Variants in SCG5 observed in about 807,000 individuals in gnomAD.
The protein encoded by SCG5 is secretogranin V.
In SCG5, 18 loss-of-function variants were observed where a neutral mutation model predicts 25.7. The ratio of observed to expected loss-of-function variants is 0.70; its 90% CI spans 0.48 to 1.04. The LOEUF is 1.04. Ranked by LOEUF, SCG5 falls within the 50% of genes least tolerant of loss-of-function variation. The pLI, the probability that SCG5 is intolerant of heterozygous loss-of-function variation, is 0.00. For missense variants in SCG5, 206 were observed against 259.8 expected, an observed-to-expected ratio of 0.79 and a Z score of 1.42; for synonymous variants, 101 against 91.7, an observed-to-expected ratio of 1.10 and a Z score of -0.58.
chr15:32,653,046 ATG>A (rs1428434546), intron 2 of SCG5, among the ~76,000 whole-genome samples: 1 of 152,146 alleles, frequency 6.6e-6, no homozygotes, highest in East Asian at 1.9e-4. Flanking sequence ...TGAACACTTC[ATG>A]TGTCTTTGGA....
At chr15:32,683,537 G>A (rs748860176) in intron 3 of SCG5, among the ~76,000 whole-genome samples, 18 of 152,208 alleles carry the variant, frequency 1.2e-4, no homozygotes, top group Admixed American at 3.9e-4. Context: ...TAAACTGTCA[G>A]TCAAAGGGAG....
intron 2 of SCG5, among the ~76,000 whole-genome samples, chr15:32,667,887 C>G (rs573201670): frequency 4.3e-4 from 66 of 152,238 alleles, no homozygotes; most frequent in African/African-American, 1.6e-3. Context: ...GTTGGCCAGG[C>G]TGGTCTCAAA....
chr15:32,674,491 A>T (rs62001856), intron 2 of SCG5, among the ~76,000 whole-genome samples: 16,489 of 152,224 alleles, frequency 0.11, 1,028 homozygotes, highest in Middle Eastern at 0.17. Flanking sequence ...TTTAATTTTC[A>T]TATTTCTGTT....
At chr15:32,656,349 G>T (rs566088899) in intron 2 of SCG5, 1 of 152,292 alleles carries the variant, frequency 6.6e-6, no homozygotes, top group South Asian at 2.1e-4. Context: ...ATTTCCCACA[G>T]GTAATTGACA....
At chr15:32,643,909 C>G in intron 2 of SCG5, 91 bp downstream of exon 2, 1 of 1,048,724 alleles carries the variant, frequency 9.5e-7, no homozygotes, top group South Asian at 1.6e-5. Flanking sequence ...TAAGTAGATG[C>G]CTTTATTATC....
intron 2 of SCG5, among the ~76,000 whole-genome samples, chr15:32,671,962 C>T (rs1475776888): frequency 2.0e-5 from 3 of 152,328 alleles, no homozygotes; most frequent in East Asian, 3.9e-4. Context: ...CGCGCTGGCA[C>T]CTTCAGCTCT....
At chr15:32,644,186 C>T (rs2053909472) in intron 2 of SCG5, among the ~76,000 whole-genome samples, 1 of 152,048 alleles carries the variant, frequency 6.6e-6, no homozygotes, top group African/African-American at 2.4e-5. Flanking sequence ...AGATTAGAAC[C>T]CAGACATGAT....
At chr15:32,653,991 C>T (rs923698415) in intron 2 of SCG5, among the ~76,000 whole-genome samples, 2 of 152,188 alleles carry the variant, frequency 1.3e-5, no homozygotes. Flanking sequence ...TTGAATCTCT[C>T]TAACAGAGTC....
chr15:32,643,491 T>C, intron 1 of SCG5, 95 bp from the exon 2 acceptor site: 3 of 1,037,484 alleles, frequency 2.9e-6, no homozygotes, highest in Non-Finnish European at 3.0e-6. Context: ...TGGGTGGTCC[T>C]CGAACCACAA....
chr15:32,693,888 T>A (rs2054908905), intron 5 of SCG5, among the ~76,000 whole-genome samples: 1 of 152,156 alleles, frequency 6.6e-6, no homozygotes, highest in African/African-American at 2.4e-5. Context: ...GGAGGGTGGA[T>A]CACCTGAGGT....
chr15:32,655,561 C>T (rs1205145529), intron 2 of SCG5, among the ~76,000 whole-genome samples: 1 of 152,146 alleles, frequency 6.6e-6, no homozygotes, highest in Admixed American at 6.5e-5. Context: ...GGGAAATCCC[C>T]TCAGTGTATG....
At chr15:32,674,957 T>C (rs1481545508) in intron 2 of SCG5, among the ~76,000 whole-genome samples, 1 of 152,178 alleles carries the variant, frequency 6.6e-6, no homozygotes, top group East Asian at 1.9e-4. Flanking sequence ...CTCATTCCCT[T>C]GACAATTACA....
At chr15:32,658,098 G>T (rs183142735) in intron 2 of SCG5, among the ~76,000 whole-genome samples, 1 of 152,264 alleles carries the variant, frequency 6.6e-6, no homozygotes, top group Admixed American at 6.5e-5. Flanking sequence ...TTTTCATGCA[G>T]TGCCGCACCC....
chr15:32,658,501 G>A (rs1348349093), intron 2 of SCG5, among the ~76,000 whole-genome samples: 1 of 152,188 alleles, frequency 6.6e-6, no homozygotes, highest in Non-Finnish European at 1.5e-5. Context: ...GTGGAGGGTG[G>A]TTATGGGGAA....
chr15:32,690,076 C>G (rs1282018438), intron 4 of SCG5, among the ~76,000 whole-genome samples: 1 of 152,166 alleles, frequency 6.6e-6, no homozygotes, highest in African/African-American at 2.4e-5. Flanking sequence ...CTCCTGACCT[C>G]GTGATCCTCC....
intron 2 of SCG5, among the ~76,000 whole-genome samples, chr15:32,661,284 C>T (rs928879929): frequency 1.3e-5 from 2 of 152,186 alleles, no homozygotes; most frequent in Admixed American, 1.3e-4. Flanking sequence ...CTGGCCTCTA[C>T]CCACTAGATG....
In SCG5 at chr15:32,657,211, A is replaced by ATATATATATATG. The variant is rs1555433850; in HGVS notation, c.226+13394_226+13395insATATATATATGT. The stretch of plus-strand genomic sequence containing the variant: ...CTTTCATCCTCCTGTATATATATAT[A>ATATATATATATG]TGTATGTATTTCCAGGTGTAAGTGG... On this transcript the variant is annotated intron_variant, in intron 2 of 5. Coordinates refer to ENST00000300175, the MANE Select transcript of SCG5 (RefSeq NM_001144757.3). Among the ~76,000 whole-genome samples, 5 of 102,452 alleles carry ATATATATATATG rather than the reference A, an allele frequency of 4.9e-5. 2 individuals carry two copies. The highest frequency in any genetic ancestry group is 1.7e-4 in the African/African-American group (5 of 29,296). The allele number at this position is 102,452 out of a possible 152,430, so 67.2% of individuals were successfully genotyped here.
At chr15:32,695,987 TATCA>T (rs2054951364) in intron 5 of SCG5, among the ~76,000 whole-genome samples, 1 of 152,224 alleles carries the variant, frequency 6.6e-6, no homozygotes, top group Non-Finnish European at 1.5e-5. Context: ...TAGAGACATC[TATCA>T]GTCAGAAAAT....
intron 2 of SCG5, among the ~76,000 whole-genome samples, chr15:32,653,038 A>C (rs1263115423): frequency 6.6e-6 from 1 of 152,164 alleles, no homozygotes; most frequent in East Asian, 1.9e-4. Context: ...ATTTTATGTG[A>C]ACACTTCATG....
Sources: gnomAD v4.1 joint callset for allele counts (sites outside exome capture counted in the v4.1 genomes callset) on GRCh38, gnomAD v4.1.1 for gene constraint, MANE v1.5 for transcripts, NCBI Gene and HGNC (gene_info 2026-07-23, HGNC 2026-07-21) for gene names.